Variants in WNT2B observed in about 807,000 individuals in gnomAD.
WNT2B encodes protein Wnt-2b.
Under a neutral mutation model 40.5 loss-of-function variants are expected in WNT2B, and 19 were observed. The observed-to-expected ratio is 0.47, with a 90% confidence interval of 0.33 to 0.69. WNT2B has a LOEUF of 0.69. Among genes scored for constraint, WNT2B ranks in the 30% least tolerant of loss-of-function variants. The pLI is 0.02. For missense variants in WNT2B, 467 were observed against 556.4 expected, an observed-to-expected ratio of 0.84 and a Z score of 1.62; for synonymous variants, 220 against 211.9, an observed-to-expected ratio of 1.04 and a Z score of -0.33.
At chr1:112,498,516 T>G (rs1651849960) in intron 1 of WNT2B, among the ~76,000 whole-genome samples, 1 of 151,918 alleles carries the variant, frequency 6.6e-6, no homozygotes, top group African/African-American at 2.4e-5. Flanking sequence ...ATTACAGACT[T>G]GAGCCACCAC....
upstream of WNT2B, among the ~76,000 whole-genome samples, chr1:112,504,899 G>C (rs1557917208): frequency 1.3e-5 from 2 of 152,070 alleles, no homozygotes; most frequent in Non-Finnish European, 2.9e-5. Context: ...CTGGAGGATA[G>C]AGCAGGGTGG....
At chr1:112,493,875 A>T (rs1179754055) in intron 1 of WNT2B, among the ~76,000 whole-genome samples, 1 of 152,028 alleles carries the variant, frequency 6.6e-6, no homozygotes, top group Non-Finnish European at 1.5e-5. Context: ...GACAAAAACG[A>T]AACCAACAAC....
intron 1 of WNT2B, among the ~76,000 whole-genome samples, chr1:112,496,399 C>A (rs1330747622): frequency 6.6e-6 from 1 of 152,134 alleles, no homozygotes; most frequent in African/African-American, 2.4e-5. Flanking sequence ...ATCCCAACAG[C>A]CCCCAAAGTC....
Position 112,520,332 on chromosome 1 carries a change from C to A in WNT2B, c.999C>A (p.Asp333Glu). Residue 333 changes from aspartate (D) to glutamate (E), a missense_variant, in exon 5 of 5, where the codon GAC becomes GAA. Around this residue, in one of 2 missense-constraint regions of WNT2B, gnomAD observed 330 missense variants for 438.6 expected, o/e 0.75. Transcript: ENST00000369684. ...RVCSKTSKGT[D>E]GCEIMCCGRG... ...GCAGCAAGACATCAAAAGGAACAGACGGTTGTGAAATCATGTGCTGTGGCC... is the reference window on the plus strand; with the variant it reads ...GCAGCAAGACATCAAAAGGAACAGAAGGTTGTGAAATCATGTGCTGTGGCC... 1.9e-6 allele frequency: 3 copies of A among 1,614,174 alleles called. No individual in the cohort carries two copies. The highest frequency in any genetic ancestry group is 2.5e-6 in the Non-Finnish European group (3 of 1,180,032).
At chr1:112,476,156 T>G (rs1298896038) in intron 1 of WNT2B, among the ~76,000 whole-genome samples, 3 of 152,102 alleles carry the variant, frequency 2.0e-5, no homozygotes, top group Admixed American at 6.6e-5. Flanking sequence ...TTCTGGGATA[T>G]CCCTAAATAT....
chr1:112,484,538 A>G (rs1651355265), intron 1 of WNT2B, among the ~76,000 whole-genome samples: 1 of 151,610 alleles, frequency 6.6e-6, no homozygotes, highest in South Asian at 2.1e-4. Context: ...GGGCCTCCCA[A>G]AGTGCTGGGA....
intron 4 of WNT2B, among the ~76,000 whole-genome samples, chr1:112,519,709 A>C (rs1286414615): frequency 6.6e-6 from 1 of 152,196 alleles, no homozygotes; most frequent in Non-Finnish European, 1.5e-5. Flanking sequence ...CATGGTAATC[A>C]GTTCACCTCT....
chr1:112,504,999 C>T (rs115560179), upstream of WNT2B, among the ~76,000 whole-genome samples: 1,778 of 152,340 alleles, frequency 0.012, 42 homozygotes, highest in African/African-American at 0.04. Context: ...CATTCAGCCA[C>T]GCATAGCTGA....
At chr1:112,514,734 C>T (rs531646322) in intron 1 of WNT2B, 140 bp from the exon 2 acceptor site, 15 of 743,144 alleles carry the variant, frequency 2.0e-5, no homozygotes, top group African/African-American at 1.4e-4. Context: ...TGGTTCTACT[C>T]ATCAGCTTTA....
intron 1 of WNT2B, among the ~76,000 whole-genome samples, chr1:112,500,548 T>C (rs1205966787): frequency 1.1e-4 from 16 of 152,124 alleles, no homozygotes; most frequent in Admixed American, 7.9e-4. Flanking sequence ...GGCAGGAGGA[T>C]TGCTTTAGCC....
intron 1 of WNT2B, among the ~76,000 whole-genome samples, chr1:112,486,122 A>C (rs1472474032): frequency 1.3e-5 from 1 of 77,064 alleles, no homozygotes; most frequent in Non-Finnish European, 2.4e-5. Flanking sequence ...GGGCAAGATA[A>C]TGAGTTTTTA....
intron 1 of WNT2B, among the ~76,000 whole-genome samples, chr1:112,492,040 C>A (rs1241982461): frequency 6.6e-6 from 1 of 151,768 alleles, no homozygotes; most frequent in Non-Finnish European, 1.5e-5. Flanking sequence ...TATGACAAGT[C>A]ACGTAAATAA....
intron 1 of WNT2B, among the ~76,000 whole-genome samples, chr1:112,497,880 G>A (rs1373359408): frequency 6.6e-6 from 1 of 151,700 alleles, no homozygotes; most frequent in Non-Finnish European, 1.5e-5. Context: ...TTGCTGCTTA[G>A]CTATTCCTTC....
intron 1 of WNT2B, among the ~76,000 whole-genome samples, chr1:112,481,071 A>T (rs1373155631): frequency 1.3e-5 from 2 of 151,984 alleles, no homozygotes; most frequent in Non-Finnish European, 2.9e-5. Context: ...CAGGAGGCTG[A>T]GGCAGGAGAA....
rs1652528822 is a variant in WNT2B, at chr1:112,516,134, C to A, written c.404-6C>A. 5.0e-6 allele frequency: 8 copies of A among 1,608,238 alleles called. No individual in the cohort carries two copies. Among genetic ancestry groups the A allele is most frequent in the Non-Finnish European group, 6.0e-6 (7 of 1,175,792 alleles). ...CTGAAGCACACCTCTACAATTCTCT[C>A]TCTAGGTAGCCGAGAGGCAGCTTTT... On this transcript the variant is annotated splice_region_variant and splice_polypyrimidine_tract_variant and intron_variant, in intron 2 of 4. Transcript: ENST00000369684.
intron 1 of WNT2B, among the ~76,000 whole-genome samples, chr1:112,497,935 G>A (rs957016808): frequency 1.6e-4 from 24 of 151,010 alleles, no homozygotes; most frequent in East Asian, 5.8e-4. Flanking sequence ...TTTAAGTTCC[G>A]GGATACATGT....
rs148112646 is a variant in WNT2B, at chr1:112,468,009, G to A, written c.-95+418G>A. 1.6e-3 allele frequency among the ~76,000 whole-genome samples: 236 copies of A among 152,152 alleles called. 2 individuals are homozygous for A. Among genetic ancestry groups the A allele is most frequent in the African/African-American group, 5.5e-3 (230 of 41,494 alleles). The stretch of plus-strand genomic sequence containing the variant: ...TGGTATCTATCATTCTATTCTCTAT[G>A]GCCATGAGGTCAAGTTTTTTAGCTC... On this transcript the variant is annotated intron_variant, in intron 1 of 4. Transcript: ENST00000256640.
At chr1:112,494,012 A>T (rs1224970137) in intron 1 of WNT2B, among the ~76,000 whole-genome samples, 1 of 152,092 alleles carries the variant, frequency 6.6e-6, no homozygotes, top group African/African-American at 2.4e-5. Flanking sequence ...AAGCAAAGAT[A>T]AAAAGTACAT....
chr1:112,521,326 T>TTTTTC lies in WNT2B; in HGVS notation c.*821_*822insCTTTT, dbSNP rs1242740916. The stretch of plus-strand genomic sequence containing the variant: ...CTTGTGTTGCCTTTTTTTTTTTTTT[T>TTTTTC]TTTTTCTTTTCTTTTCTTCTCTTCC... On this transcript the variant is annotated 3_prime_UTR_variant, in exon 5 of 5. Transcript: ENST00000369684. 2.7e-4 allele frequency: 41 copies of TTTTTC among 151,096 alleles called. No individual in the cohort carries two copies. Among genetic ancestry groups the TTTTTC allele is most frequent in the Non-Finnish European group, 5.3e-4 (36 of 67,828 alleles). The allele number at this position is 151,096 out of a possible 1,614,324, so 9.4% of individuals were successfully genotyped here.
Sources: allele counts gnomAD v4.1 joint callset (sites outside exome capture counted in the v4.1 genomes callset), GRCh38; gene constraint gnomAD v4.1.1; regional missense constraint gnomAD v4.1.1; transcripts MANE v1.5; gene names NCBI Gene and HGNC (gene_info 2026-07-23, HGNC 2026-07-21).